MAGEA11: variants seen among roughly 807,000 people sequenced by gnomAD.
MAGEA11 encodes the protein melanoma-associated antigen 11.
A neutral mutation model predicts 8.4 loss-of-function variants in MAGEA11; 1 was observed. The ratio of observed to expected loss-of-function variants is 0.12; its 90% CI spans 0.04 to 0.57. MAGEA11 has a LOEUF of 0.57. MAGEA11 is among the 20% of genes least tolerant of loss of function. The probability of loss-of-function intolerance (pLI) is 0.91; values close to 1 mark genes in which losing one functional copy is unlikely to be tolerated. For synonymous variants in MAGEA11, 127 were observed against 119.3 expected (o/e 1.06, Z -0.42); for missense variants, 209 against 317.3 (o/e 0.66, Z 2.59).
chrX:149,703,312 A>G (rs1200196067), intron 1 of MAGEA11, among the ~76,000 whole-genome samples: 1 of 112,750 alleles, frequency 8.9e-6, no homozygotes, highest in East Asian at 2.8e-4. Context: ...TGTGCAAGGA[A>G]CAATGTACTT....
At chrX:149,690,427 A>C (rs1175898303) in intron 1 of MAGEA11, among the ~76,000 whole-genome samples, 2 of 112,393 alleles carry the variant, frequency 1.8e-5, no homozygotes, top group Non-Finnish European at 3.8e-5. Context: ...TGTTATGTGC[A>C]GGCTCACCTT....
chrX:149,694,707 CTTTCT>C (rs1283009600), intron 1 of MAGEA11, among the ~76,000 whole-genome samples: 1 of 110,512 alleles, frequency 9.0e-6, no homozygotes, highest in Admixed American at 9.7e-5. Flanking sequence ...CTTTCTCTTT[CTTTCT>C]TTTCTTTTCT....
chrX:149,691,248 A>G (rs185606431), intron 1 of MAGEA11, among the ~76,000 whole-genome samples: 1 of 110,371 alleles, frequency 9.1e-6, no homozygotes, highest in East Asian at 2.8e-4. Context: ...GTATTTTTTT[A>G]TCCCTCATTT....
At chrX:149,708,074 C>T (rs1557361621), upstream of MAGEA11, among the ~76,000 whole-genome samples, 1 of 112,493 alleles carries the variant, frequency 8.9e-6, no homozygotes, top group Non-Finnish European at 1.9e-5. Context: ...AGGTTGTCTG[C>T]TTACTCTGTG....
rs1237025394 is a variant in MAGEA11, at chrX:149,701,495, A to C, written c.9+12511A>C. 1.8e-3 allele frequency among the ~76,000 whole-genome samples: 188 copies of C among 107,188 alleles called. 1 individual carries two copies. Among genetic ancestry groups the C allele is most frequent in the African/African-American group, 5.9e-3 (175 of 29,431 alleles). The allele number at this position is 107,188 out of a possible 115,157, so 93.1% of individuals were successfully genotyped here. A position where few individuals can be genotyped will look rare whatever the true frequency, so the allele number is the denominator to read the frequency against. ...TTTGTCAGATGAGTAGGTTGTGAAA[A>C]TTTTCTCCCATTTTGTAGGTTGCCT... On this transcript the variant is annotated intron_variant, in intron 1 of 3. Coordinates refer to the MAGEA11 transcript ENST00000333104.
upstream of MAGEA11, chrX:149,688,675 T>C (rs182755064): frequency 9.6e-5 from 14 of 145,822 alleles, no homozygotes; most frequent in East Asian, 4.3e-4. Context: ...TACATATACA[T>C]ATACATATAC....
chrX:149,704,923 C>T (rs782586025), intron 1 of MAGEA11, among the ~76,000 whole-genome samples: 1 of 113,052 alleles, frequency 8.8e-6, no homozygotes, highest in Non-Finnish European at 1.9e-5. Flanking sequence ...ACTCTCACTG[C>T]ATCCACGTAG....
At chrX:149,711,815 G>A (rs1478905900), upstream of MAGEA11, 18 of 749,911 alleles carry the variant, frequency 2.4e-5, no homozygotes, top group Middle Eastern at 7.5e-4. Context: ...ATTGGCAGAG[G>A]ACGGAGCTCC....
Position 149,715,833 on chromosome X carries a change from G to T in MAGEA11, c.347G>T (p.Arg116Ile). ...AGAGTCATCATGCCTCTTGAGCAAA[G>T]AAGTCAGCACTGCAAGCCTGAGGAA... Reference protein sequence around the residue: ...LTRVIMPLEQRSQHCKPEEGL... With the variant: ...LTRVIMPLEQISQHCKPEEGL... The change falls in exon 5 of 5, where the codon AGA becomes ATA. Residue 116 changes from arginine (R) to isoleucine (I), a missense_variant. By Grantham distance (97) the Arg-to-Ile change is moderately conservative. Around this residue, in one of 2 missense-constraint regions of MAGEA11, gnomAD observed 131 missense variants for 138.5 expected, o/e 0.95. Transcript: ENST00000355220. 2.5e-6 allele frequency: 3 copies of T among 1,210,554 alleles called. No individual in the cohort carries two copies. The highest frequency in any genetic ancestry group is 3.4e-6 in the Non-Finnish European group (3 of 895,035).
chrX:149,689,092 G>C (rs2090299905), intron 1 of MAGEA11: 1 of 724,043 alleles, frequency 1.4e-6, no homozygotes, highest in Non-Finnish European at 2.0e-6. Flanking sequence ...TCCAGATGAT[G>C]TTCCCAGCTC....
rs148001313 is a variant in MAGEA11 at position 149,704,035 on chromosome X, C to A, written c.10-10446C>A. On this transcript the variant is annotated intron_variant, in intron 1 of 3. Transcript: ENST00000333104. The stretch of plus-strand genomic sequence containing the variant: ...AGCCCTGTCTCTGTACTGGGTTGAG[C>A]TGCAACCCACAAACAAGGGAGTGCC... Among the ~76,000 whole-genome samples, 200 of 112,365 alleles carry A rather than the reference C, an allele frequency of 1.8e-3. 1 individual carries two copies. Among genetic ancestry groups the A allele is most frequent in the African/African-American group, 6.1e-3 (188 of 30,934 alleles).
In MAGEA11 at chrX:149,714,553, T is replaced by C. The variant is rs1557362265; in HGVS notation, c.169T>C (p.Ser57Pro). The C allele has an allele frequency of 8.3e-7, 1 of 1,210,917 alleles. No individual in the cohort carries two copies. Among genetic ancestry groups the C allele is most frequent in the South Asian group, 1.8e-5 (1 of 56,716 alleles). Residue 57 changes from serine (S) to proline (P), a missense_variant, in exon 3 of 5, where the codon TCC (serine) becomes CCC (proline). Coordinates refer to ENST00000355220, the MANE Select transcript of MAGEA11 (RefSeq NM_005366.5). ...RAPYGPQLQW[S>P]QDLPRVQVFR... ...CCCATATGGTCCACAACTACAGTGG[T>C]CCCAGGATCTGCCAAGAGTCCAGGT...
At chrX:149,704,486 G>A (rs927625592) in intron 1 of MAGEA11, among the ~76,000 whole-genome samples, 3 of 112,296 alleles carry the variant, frequency 2.7e-5, no homozygotes, top group African/African-American at 9.7e-5. Context: ...AAAGAAGTAC[G>A]TAACACAGCA....
At chrX:149,709,670 T>C (rs1297786163), upstream of MAGEA11, among the ~76,000 whole-genome samples, 3 of 112,213 alleles carry the variant, frequency 2.7e-5, no homozygotes, top group Non-Finnish European at 5.6e-5. Context: ...AGAATGAAAA[T>C]ACAATTTGAC....
At position 149,688,843 on chromosome X, in the gene MAGEA11, G is replaced by A; in HGVS notation, c.-133G>A. 4.5e-6 allele frequency: 2 copies of A among 445,598 alleles called. 1 individual carries two copies. Among genetic ancestry groups the A allele is most frequent in the Admixed American group, 5.3e-5 (2 of 37,627 alleles). The allele number at this position is 445,598 out of a possible 1,213,427, so 36.7% of individuals were successfully genotyped here. A position where few individuals can be genotyped will look rare whatever the true frequency, so the allele number is the denominator to read the frequency against. On this transcript the variant is annotated 5_prime_UTR_variant, in exon 1 of 4. Transcript: ENST00000333104. Reference sequence around the variant, plus strand: ...ATCCTGTGCACTCTCACCAGGGCAGGGAGCTGTCTTGACCCCCAGTGGAGG... The same window carrying A: ...ATCCTGTGCACTCTCACCAGGGCAGAGAGCTGTCTTGACCCCCAGTGGAGG...
chrX:149,698,468 A>G (rs1390209339), intron 1 of MAGEA11, among the ~76,000 whole-genome samples: 1 of 111,863 alleles, frequency 8.9e-6, no homozygotes, highest in Non-Finnish European at 1.9e-5. Flanking sequence ...ACAAATCTCA[A>G]TAATGATACA....
At chrX:149,705,788 C>T (rs2090374688) in intron 1 of MAGEA11, among the ~76,000 whole-genome samples, 1 of 111,837 alleles carries the variant, frequency 8.9e-6, no homozygotes, top group Non-Finnish European at 1.9e-5. Context: ...AGGATTGCCT[C>T]CATCCTCTGT....
At chrX:149,700,341 T>C (rs1419082551) in intron 1 of MAGEA11, among the ~76,000 whole-genome samples, 1 of 112,243 alleles carries the variant, frequency 8.9e-6, no homozygotes, top group Non-Finnish European at 1.9e-5. Flanking sequence ...TGCAAGCTAG[T>C]GCACTTGAAC....
At chrX:149,688,942 G>T in exon 1 of MAGEA11, 2 of 1,025,332 alleles carry the variant, frequency 2.0e-6, no homozygotes, top group Non-Finnish European at 1.3e-6. Flanking sequence ...GCTGGTGACT[G>T]ATGGCTGACC....
Sources: gnomAD v4.1 joint callset for allele counts (sites outside exome capture counted in the v4.1 genomes callset) on GRCh38, gnomAD v4.1.1 for gene constraint, gnomAD v4.1.1 regional missense constraint, MANE v1.5 for transcripts, NCBI Gene and HGNC (gene_info 2026-07-23, HGNC 2026-07-21) for gene names.